Variants in UBE2H observed in about 807,000 individuals in gnomAD.
UBE2H encodes ubiquitin conjugating enzyme E2 H.
A neutral mutation model predicts 29.0 loss-of-function variants in UBE2H; 3 were observed. The ratio of observed to expected loss-of-function variants is 0.10; its 90% CI spans 0.05 to 0.27. The LOEUF is 0.27. Ranked by LOEUF, UBE2H falls within the 10% of genes least tolerant of loss-of-function variation. UBE2H has a pLI of 1.00. For missense variants in UBE2H, 68 were observed against 228.2 expected (o/e 0.30, Z 4.52); for synonymous variants, 69 against 82.9 (o/e 0.83, Z 0.91).
chr7:129,909,282 G>A (rs1806881957), intron 1 of UBE2H, among the ~76,000 whole-genome samples: 1 of 152,190 alleles, frequency 6.6e-6, no homozygotes, highest in African/African-American at 2.4e-5. Flanking sequence ...CACCAGGAGA[G>A]TGACATTCCC....
At chr7:129,891,819 A>C (rs148931971) in intron 1 of UBE2H, among the ~76,000 whole-genome samples, 3,696 of 152,132 alleles carry the variant, frequency 0.024, 70 homozygotes, top group Non-Finnish European at 0.035. Context: ...ACAAAAAAAA[A>C]AAAAAAAACA....
chr7:129,878,791 C>T (rs1268575972), intron 3 of UBE2H, among the ~76,000 whole-genome samples: 1 of 143,844 alleles, frequency 7.0e-6, no homozygotes, highest in African/African-American at 2.5e-5. Context: ...CAATATATTA[C>T]AATTTTATTG....
At position 129,952,840 on chromosome 7, in the gene UBE2H, C is replaced by G; in HGVS notation, c.-285G>C. 1 of 257,392 alleles carries G rather than the reference C, an allele frequency of 3.9e-6. No homozygotes were observed. The highest frequency in any genetic ancestry group is 7.3e-6 in the Non-Finnish European group (1 of 137,172). The allele number at this position is 257,392 out of a possible 1,614,324, so 15.9% of individuals were successfully genotyped here. A position where few individuals can be genotyped will look rare whatever the true frequency, so the allele number is the denominator to read the frequency against. On this transcript the variant is annotated 5_prime_UTR_variant, in exon 1 of 7. Coordinates refer to ENST00000355621, the MANE Select transcript of UBE2H (RefSeq NM_003344.4). Reference sequence around the variant, plus strand: ...GCGCTCCTCTGCGCCGCGCGACGCTCCCTCCTGCCTGCTGTGGCTCGCTCG... The same window carrying G: ...GCGCTCCTCTGCGCCGCGCGACGCTGCCTCCTGCCTGCTGTGGCTCGCTCG...
At chr7:129,896,181 C>T (rs1411778550) in intron 1 of UBE2H, among the ~76,000 whole-genome samples, 1 of 151,612 alleles carries the variant, frequency 6.6e-6, no homozygotes, top group Non-Finnish European at 1.5e-5. Context: ...CTAAAAAACA[C>T]AAAAAATTAG....
chr7:129,891,818 A>C (rs531330424), intron 1 of UBE2H, among the ~76,000 whole-genome samples: 9,733 of 150,788 alleles, frequency 0.065, 375 homozygotes, highest in Non-Finnish European at 0.092. Flanking sequence ...AACAAAAAAA[A>C]AAAAAAAAAC....
At chr7:129,951,056 G>A (rs552889813) in intron 1 of UBE2H, among the ~76,000 whole-genome samples, 2 of 152,204 alleles carry the variant, frequency 1.3e-5, no homozygotes, top group South Asian at 4.2e-4. Flanking sequence ...CCTGAGCAAG[G>A]AGAAAAACAC....
intron 1 of UBE2H, among the ~76,000 whole-genome samples, chr7:129,940,408 A>G (rs1376638290): frequency 6.6e-6 from 1 of 152,202 alleles, no homozygotes; most frequent in African/African-American, 2.4e-5. Flanking sequence ...GCTACAGAAC[A>G]GGTGCCTTTT....
chr7:129,844,172 A>T (rs915922298), intron 5 of UBE2H, among the ~76,000 whole-genome samples: 13 of 152,230 alleles, frequency 8.5e-5, no homozygotes, highest in Non-Finnish European at 1.5e-4. Flanking sequence ...CACACCTGTA[A>T]AACAGAAGAG....
chr7:129,920,016 A>G (rs953901774), intron 1 of UBE2H, among the ~76,000 whole-genome samples: 9 of 151,446 alleles, frequency 5.9e-5, no homozygotes, highest in African/African-American at 2.2e-4. Flanking sequence ...CCAAGCTGAA[A>G]ATGAGCACTG....
intron 1 of UBE2H, among the ~76,000 whole-genome samples, chr7:129,886,397 T>C (rs1290687997): frequency 6.6e-6 from 1 of 152,236 alleles, no homozygotes; most frequent in Non-Finnish European, 1.5e-5. Flanking sequence ...ATGACATTCT[T>C]GGCAAAATGT....
At chr7:129,880,553 T>C (rs911216265) in intron 2 of UBE2H, among the ~76,000 whole-genome samples, 4 of 152,196 alleles carry the variant, frequency 2.6e-5, no homozygotes, top group Non-Finnish European at 5.9e-5. Flanking sequence ...ACTATTTACA[T>C]AACATTTGCG....
chr7:129,920,313 G>T (rs1479461730), intron 1 of UBE2H, among the ~76,000 whole-genome samples: 2 of 151,778 alleles, frequency 1.3e-5, no homozygotes, highest in Non-Finnish European at 2.9e-5. Flanking sequence ...GAACAAAAAA[G>T]GCTTGAAAAA....
chr7:129,879,003 G>A (rs1419530129), intron 3 of UBE2H, among the ~76,000 whole-genome samples: 1 of 152,152 alleles, frequency 6.6e-6, no homozygotes, highest in Non-Finnish European at 1.5e-5. Flanking sequence ...ACCCATTAAG[G>A]TAAAAGGAGA....
chr7:129,864,052 A>G (rs147192857), intron 3 of UBE2H, among the ~76,000 whole-genome samples: 2,381 of 152,260 alleles, frequency 0.016, 20 homozygotes, highest in Non-Finnish European at 0.024. Context: ...CTCAGCCTCC[A>G]AAAGTGTGGG....
At chr7:129,938,463 C>T (rs953786036) in intron 1 of UBE2H, among the ~76,000 whole-genome samples, 1 of 144,982 alleles carries the variant, frequency 6.9e-6, no homozygotes, top group African/African-American at 2.5e-5. Context: ...GCTTGCAATC[C>T]CAGCACTTTG....
At chr7:129,835,438 T>C (rs369604934) in intron 6 of UBE2H, among the ~76,000 whole-genome samples, 1 of 152,224 alleles carries the variant, frequency 6.6e-6, no homozygotes, top group African/African-American at 2.4e-5. Context: ...TAGTAATTTA[T>C]AAGGAAATCC....
At chr7:129,870,156 C>T (rs1205230533) in intron 3 of UBE2H, among the ~76,000 whole-genome samples, 2 of 152,132 alleles carry the variant, frequency 1.3e-5, no homozygotes, top group Admixed American at 1.3e-4. Context: ...ACATGTTCCC[C>T]TCTTCTCAAA....
In UBE2H at chr7:129,946,219, ATT is replaced by A. The variant is rs745714036; in HGVS notation, c.53+6282_53+6283del. 1.2e-4 allele frequency among the ~76,000 whole-genome samples: 16 copies of A among 137,756 alleles called. 1 individual carries two copies. Among genetic ancestry groups the A allele is most frequent in the Admixed American group, 8.2e-4 (11 of 13,450 alleles). 90.4% of individuals were successfully genotyped at this position (137,756 alleles called of 152,430 possible). ...AGGCGCCCGCCACCACGCCCGGCTAATTTTTTTTTTTTTGTATTTTTAGTAGA... is the reference window on the plus strand; with the variant it reads ...AGGCGCCCGCCACCACGCCCGGCTAATTTTTTTTTTTGTATTTTTAGTAGA... On this transcript the variant is annotated intron_variant, in intron 1 of 6. Transcript: ENST00000355621.
At chr7:129,850,948 G>A (rs1805598976) in intron 5 of UBE2H, among the ~76,000 whole-genome samples, 1 of 152,050 alleles carries the variant, frequency 6.6e-6, no homozygotes, top group Admixed American at 6.6e-5. Context: ...ATGGACAGAT[G>A]GATGCAGGGT....
Sources: allele counts gnomAD v4.1 joint callset (sites outside exome capture counted in the v4.1 genomes callset), GRCh38; gene constraint gnomAD v4.1.1; transcripts MANE v1.5; gene names NCBI Gene and HGNC (gene_info 2026-07-23, HGNC 2026-07-21).